NKAIN2: variants seen among roughly 807,000 people sequenced by gnomAD.
NKAIN2 encodes the protein sodium/potassium transporting ATPase interacting 2.
Under a neutral mutation model 32.6 loss-of-function variants are expected in NKAIN2, and 14 were observed. That is an observed-to-expected ratio of 0.43 (90% CI 0.28 to 0.67). The LOEUF (loss-of-function observed/expected upper bound fraction) is 0.67. Among genes scored for constraint, NKAIN2 ranks in the 30% least tolerant of loss-of-function variants. The pLI is 0.17. For missense variants in NKAIN2, 198 were observed against 258.3 expected (o/e 0.77, Z 1.60); for synonymous variants, 80 against 87.2 (o/e 0.92, Z 0.46).
intron 1 of NKAIN2, among the ~76,000 whole-genome samples, chr6:124,150,394 CAA>C (rs911886675): frequency 5.3e-5 from 8 of 152,190 alleles, no homozygotes; most frequent in African/African-American, 1.9e-4. Context: ...TGCTGAAAAA[CAA>C]TATGTCATTC....
intron 5 of NKAIN2, among the ~76,000 whole-genome samples, chr6:124,806,295 C>A (rs1780556393): frequency 6.6e-6 from 1 of 152,160 alleles, no homozygotes; most frequent in African/African-American, 2.4e-5. Context: ...GATCTCTTGG[C>A]AGAAACTCTA....
At chr6:123,998,532 G>A (rs189309100) in intron 1 of NKAIN2, among the ~76,000 whole-genome samples, 194 of 152,074 alleles carry the variant, frequency 1.3e-3, no homozygotes, top group African/African-American at 4.4e-3. Context: ...CAAATTTGGG[G>A]CAAATCTGGA....
intron 1 of NKAIN2, among the ~76,000 whole-genome samples, chr6:124,207,157 A>G (rs1346069407): frequency 1.3e-5 from 2 of 151,650 alleles, no homozygotes; most frequent in East Asian, 1.9e-4. Flanking sequence ...CCAGGTGCTA[A>G]GGCTCACACC....
At chr6:124,520,498 C>T (rs1354992479) in intron 3 of NKAIN2, among the ~76,000 whole-genome samples, 1 of 152,048 alleles carries the variant, frequency 6.6e-6, no homozygotes, top group African/African-American at 2.4e-5. Flanking sequence ...TATTTCAAAA[C>T]TGCAATATTA....
chr6:124,201,029 C>T (rs1790564686), intron 1 of NKAIN2, among the ~76,000 whole-genome samples: 1 of 151,942 alleles, frequency 6.6e-6, no homozygotes, highest in Non-Finnish European at 1.5e-5. Context: ...TTAGTTTGTG[C>T]TTTGAAAAGA....
intron 1 of NKAIN2, among the ~76,000 whole-genome samples, chr6:124,055,300 T>C (rs1049542922): frequency 2.0e-5 from 3 of 152,098 alleles, no homozygotes; most frequent in Admixed American, 2.0e-4. Context: ...AATAGCTCTA[T>C]GAGAGTATTG....
chr6:124,134,854 A>T (rs1786655808), intron 1 of NKAIN2, among the ~76,000 whole-genome samples: 1 of 152,192 alleles, frequency 6.6e-6, no homozygotes, highest in Admixed American at 6.5e-5. Context: ...AGGTTATCTA[A>T]AGTCAAGATG....
chr6:123,981,149 G>C (rs1007259636), intron 1 of NKAIN2, among the ~76,000 whole-genome samples: 1 of 152,284 alleles, frequency 6.6e-6, no homozygotes, highest in South Asian at 2.1e-4. Flanking sequence ...TTGCAGGCGT[G>C]AGCCACCACG....
At chr6:124,583,413 A>G (rs1241362427) in intron 3 of NKAIN2, among the ~76,000 whole-genome samples, 2 of 152,130 alleles carry the variant, frequency 1.3e-5, no homozygotes, top group African/African-American at 4.8e-5. Context: ...TGACTTAACC[A>G]AAGAAATGAA....
chr6:123,909,834 T>C (rs1775078978), intron 1 of NKAIN2, among the ~76,000 whole-genome samples: 1 of 152,190 alleles, frequency 6.6e-6, no homozygotes, highest in African/African-American at 2.4e-5. Flanking sequence ...GAATTCTGTT[T>C]ATTCACTGCA....
intron 1 of NKAIN2, among the ~76,000 whole-genome samples, chr6:123,936,822 A>G (rs780662472): frequency 1.9e-4 from 29 of 152,144 alleles, no homozygotes; most frequent in Non-Finnish European, 4.3e-4. Context: ...AAATGAATTA[A>G]TATTACAGTA....
At chr6:124,474,954 A>G (rs1421371511) in intron 3 of NKAIN2, among the ~76,000 whole-genome samples, 2 of 147,700 alleles carry the variant, frequency 1.4e-5, no homozygotes, top group Non-Finnish European at 3.0e-5. Context: ...ATATATACAT[A>G]TATATATAAC....
chr6:124,486,020 G>A (rs143563911), intron 3 of NKAIN2, among the ~76,000 whole-genome samples: 315 of 152,310 alleles, frequency 2.1e-3, no homozygotes, highest in African/African-American at 7.1e-3. Flanking sequence ...TCCTCAATGA[G>A]CCGACTCTAA....
At chr6:124,432,114 A>G (rs1396658194) in intron 3 of NKAIN2, among the ~76,000 whole-genome samples, 4 of 152,182 alleles carry the variant, frequency 2.6e-5, no homozygotes, top group Non-Finnish European at 5.9e-5. Context: ...ACAATTGTGT[A>G]CATGCCTTGT....
At chr6:124,808,041 A>G (rs979529279) in intron 5 of NKAIN2, among the ~76,000 whole-genome samples, 74 of 151,246 alleles carry the variant, frequency 4.9e-4, no homozygotes, top group African/African-American at 1.6e-3. Context: ...TCACAGCCAA[A>G]TTCTACCAGA....
chr6:124,440,719 T>A (rs1029900422), intron 3 of NKAIN2, among the ~76,000 whole-genome samples: 2 of 152,088 alleles, frequency 1.3e-5, no homozygotes, highest in Non-Finnish European at 2.9e-5. Flanking sequence ...TGCTTCGTAG[T>A]CTCTTAGAAT....
intron 3 of NKAIN2, among the ~76,000 whole-genome samples, chr6:124,492,774 AT>A (rs1777915015): frequency 6.6e-6 from 1 of 152,072 alleles, no homozygotes; most frequent in East Asian, 1.9e-4. Context: ...AAGAAATAAT[AT>A]TTTTAACATA....
chr6:124,620,949 G>T (rs1183771519), intron 3 of NKAIN2, among the ~76,000 whole-genome samples: 1 of 152,166 alleles, frequency 6.6e-6, no homozygotes, highest in East Asian at 1.9e-4. Flanking sequence ...GCAATACTTA[G>T]GGTTGCTATT....
chr6:124,516,595 C>T (rs922829006), intron 3 of NKAIN2, among the ~76,000 whole-genome samples: 55 of 152,138 alleles, frequency 3.6e-4, no homozygotes, highest in African/African-American at 1.3e-3. Flanking sequence ...TCTCTGCAGA[C>T]ATTTACATTT....
Sources: gnomAD v4.1 joint callset for allele counts (sites outside exome capture counted in the v4.1 genomes callset) on GRCh38, gnomAD v4.1.1 for gene constraint, MANE v1.5 for transcripts, NCBI Gene and HGNC (gene_info 2026-07-23, HGNC 2026-07-21) for gene names.